RAB31: variants seen among roughly 807,000 people sequenced by gnomAD.
The protein encoded by RAB31 is ras-related protein Rab-31.
Under a neutral mutation model 25.6 loss-of-function variants are expected in RAB31, and 21 were observed. The ratio of observed to expected loss-of-function variants is 0.82; its 90% CI spans 0.58 to 1.18. The LOEUF (loss-of-function observed/expected upper bound fraction) is 1.18, where lower values mean the gene tolerates loss of function less well. Ranked by LOEUF, RAB31 falls within the 50% of genes most tolerant of loss-of-function variation. The probability of loss-of-function intolerance (pLI) is 0.00; values close to 1 mark genes in which losing one functional copy is unlikely to be tolerated. For missense variants in RAB31, 196 were observed against 250.1 expected (o/e 0.78, Z 1.46); for synonymous variants, 87 against 84.0 (o/e 1.04, Z -0.20).
At chr18:9,796,459 A>G (rs2068487621) in intron 3 of RAB31, among the ~76,000 whole-genome samples, 1 of 152,244 alleles carries the variant, frequency 6.6e-6, no homozygotes, top group Admixed American at 6.5e-5. Flanking sequence ...TTAATCTAAA[A>G]TTGTAGATGT....
chr18:9,779,634 A>G (rs1052837905), intron 2 of RAB31, among the ~76,000 whole-genome samples: 3 of 152,218 alleles, frequency 2.0e-5, no homozygotes, highest in East Asian at 3.8e-4. Flanking sequence ...GGACATGTGT[A>G]TACTAAAAAT....
intron 6 of RAB31, among the ~76,000 whole-genome samples, chr18:9,847,718 G>A (rs1489164251): frequency 6.6e-6 from 1 of 152,016 alleles, no homozygotes; most frequent in Non-Finnish European, 1.5e-5. Context: ...GACTATAGGT[G>A]TGCACCACCA....
In RAB31 at chr18:9,748,844, T is replaced by C. The variant is rs79085641; in HGVS notation, c.40-26434T>C. Among the ~76,000 whole-genome samples, 96 of 152,064 alleles carry C rather than the reference T, an allele frequency of 6.3e-4. 1 individual carries two copies. In the East Asian group the frequency reaches 0.012, roughly 20 times the overall value. ...AGGTGGAGGTTGCAGTGAGCCGAGATTGCACCACTGCACTCCAGCCTGGGC... is the reference window on the plus strand; with the variant it reads ...AGGTGGAGGTTGCAGTGAGCCGAGACTGCACCACTGCACTCCAGCCTGGGC... On this transcript the variant is annotated intron_variant, in intron 1 of 6. Coordinates refer to ENST00000578921, the MANE Select transcript of RAB31 (RefSeq NM_006868.4).
chr18:9,781,697 T>C (rs1599036053), intron 2 of RAB31, among the ~76,000 whole-genome samples: 3 of 152,382 alleles, frequency 2.0e-5, no homozygotes, highest in African/African-American at 4.8e-5. Context: ...CTTCTTGATA[T>C]AATTTAACTT....
intron 2 of RAB31, among the ~76,000 whole-genome samples, chr18:9,783,978 C>T (rs2068418785): frequency 6.6e-6 from 1 of 152,166 alleles, no homozygotes; most frequent in South Asian, 2.1e-4. Flanking sequence ...AAGTTTGGCA[C>T]ATGTAGCAAA....
At position 9,822,701 on chromosome 18, in the gene RAB31, C is replaced by T. The variant is rs530586455; in HGVS notation, c.380+7479C>T. On this transcript the variant is annotated intron_variant, in intron 5 of 6. Transcript: ENST00000578921. The stretch of plus-strand genomic sequence containing the variant: ...GAAGATGGTGAGGAAGGATATAAGG[C>T]GACGTTCAATATCATCATCAAACCT... Among the ~76,000 whole-genome samples the T allele has an allele frequency of 3.9e-5, 6 of 152,156 alleles. 1 individual carries two copies. Among genetic ancestry groups the T allele is most frequent in the Non-Finnish European group, 4.4e-5 (3 of 67,988 alleles).
rs1599029893 is a variant in RAB31, at chr18:9,766,074, A to C, written c.40-9204A>C. Among the ~76,000 whole-genome samples, 1 of 152,246 alleles carries C rather than the reference A, an allele frequency of 6.6e-6. No homozygotes were observed. The highest frequency in any genetic ancestry group is 1.9e-4 in the East Asian group (1 of 5,180). On this transcript the variant is annotated intron_variant, in intron 1 of 6. Transcript: ENST00000578921. This position sits in a 1 kb window ranked among gnomAD's most constrained non-coding sequence, Gnocchi z 4.3. ...TTCTGTGGGGTTTCTTTGAAATCGA[A>C]AAGGGAAGGTGCAGTGCTTCCTGGA...
intron 1 of RAB31, among the ~76,000 whole-genome samples, chr18:9,760,686 GCAAT>G (rs1334697702): frequency 6.6e-6 from 1 of 152,146 alleles, no homozygotes; most frequent in Non-Finnish European, 1.5e-5. Context: ...CTGGCTGTGG[GCAAT>G]CTGCAGGGTG....
chr18:9,825,749 C>A (rs2068646670), intron 5 of RAB31, among the ~76,000 whole-genome samples: 2 of 152,180 alleles, frequency 1.3e-5, no homozygotes, highest in African/African-American at 4.8e-5. Context: ...TCTCTCTTGC[C>A]CTTCAGGCTT....
At chr18:9,810,413 A>G (rs1289906659) in intron 3 of RAB31, among the ~76,000 whole-genome samples, 1 of 152,130 alleles carries the variant, frequency 6.6e-6, no homozygotes, top group Non-Finnish European at 1.5e-5. Flanking sequence ...TGTAAGGGGG[A>G]AAAGCATAAA....
At chr18:9,818,366 G>A (rs2068609587) in intron 5 of RAB31, among the ~76,000 whole-genome samples, 1 of 151,910 alleles carries the variant, frequency 6.6e-6, no homozygotes, top group African/African-American at 2.4e-5. Context: ...ATTTATACTC[G>A]CTCTCAATTT....
At chr18:9,832,545 G>T (rs2068684298) in intron 5 of RAB31, among the ~76,000 whole-genome samples, 1 of 152,336 alleles carries the variant, frequency 6.6e-6, no homozygotes, top group African/African-American at 2.4e-5. Context: ...AGGAGAAGAA[G>T]GAAAGGCCAG....
chr18:9,736,192 T>G lies in RAB31; in HGVS notation c.39+27748T>G, dbSNP rs551272577. Among the ~76,000 whole-genome samples the G allele has an allele frequency of 8.5e-5, 13 of 152,272 alleles. No individual in the cohort carries two copies. The South Asian group carries it at 2.7e-3, about 32-fold the overall frequency. On this transcript the variant is annotated intron_variant, in intron 1 of 6. Coordinates refer to ENST00000578921, the MANE Select transcript of RAB31 (RefSeq NM_006868.4). The stretch of plus-strand genomic sequence containing the variant: ...TCTTGCTAGGTTGCCCAGACTGGTA[T>G]TGAACTACTTGCCTCAAGTGATCCT...
At chr18:9,778,097 C>T (rs902475496) in intron 2 of RAB31, among the ~76,000 whole-genome samples, 5 of 152,076 alleles carry the variant, frequency 3.3e-5, no homozygotes, top group Admixed American at 2.6e-4. Flanking sequence ...ATACTCATAC[C>T]ACAAATTATG....
In RAB31 at chr18:9,708,830, G is replaced by T. The variant is rs1174853783; in HGVS notation, c.39+386G>T. Among the ~76,000 whole-genome samples the T allele has an allele frequency of 6.6e-6, 1 of 152,186 alleles. No individual in the cohort carries two copies. Among genetic ancestry groups the T allele is most frequent in the Non-Finnish European group, 1.5e-5 (1 of 68,036 alleles). On this transcript the variant is annotated intron_variant, in intron 1 of 6. Coordinates refer to ENST00000578921, the MANE Select transcript of RAB31 (RefSeq NM_006868.4). This position sits in a 1 kb window ranked among gnomAD's most constrained non-coding sequence, Gnocchi z 6.4. ...CCTCGCGGGGACCCCCAGCGGGGAC[G>T]GGGCAGTGGCGGCGAGTCTGGGGCC... is the stretch of plus-strand genomic sequence containing the variant.
At chr18:9,810,074 C>T (rs2068563053) in intron 3 of RAB31, among the ~76,000 whole-genome samples, 1 of 152,234 alleles carries the variant, frequency 6.6e-6, no homozygotes, top group African/African-American at 2.4e-5. Context: ...TGAGGAGACA[C>T]ACTGGGTTTT....
At chr18:9,765,404 T>G (rs1470473228) in intron 1 of RAB31, among the ~76,000 whole-genome samples, 4 of 152,210 alleles carry the variant, frequency 2.6e-5, no homozygotes. Context: ...TTACTCTGCT[T>G]GAGTGAGATC....
At chr18:9,716,651 G>C (rs1372167169) in intron 1 of RAB31, among the ~76,000 whole-genome samples, 1 of 152,152 alleles carries the variant, frequency 6.6e-6, no homozygotes, top group East Asian at 1.9e-4. Flanking sequence ...TCCTCCTGTG[G>C]TAAGCTGCTG....
chr18:9,765,227 T>C (rs372050791), intron 1 of RAB31, among the ~76,000 whole-genome samples: 1 of 152,242 alleles, frequency 6.6e-6, no homozygotes, highest in Non-Finnish European at 1.5e-5. Flanking sequence ...TGCTGGGAAT[T>C]ACAGGTGCGA....
Sources: gnomAD v4.1 joint callset for allele counts (sites outside exome capture counted in the v4.1 genomes callset) on GRCh38, gnomAD v4.1.1 for gene constraint, Gnocchi (gnomAD v3.1) non-coding constraint, MANE v1.5 for transcripts, NCBI Gene and HGNC (gene_info 2026-07-23, HGNC 2026-07-21) for gene names.